The following NELL1 variants were observed in gnomAD, a reference collection of about 807,000 sequenced individuals.
NELL1 encodes the protein protein kinase C-binding protein NELL1.
Under a neutral mutation model 107.4 loss-of-function variants are expected in NELL1, and 76 were observed. That is an observed-to-expected ratio of 0.71 (90% CI 0.59 to 0.86). The LOEUF is 0.86. Among genes scored for constraint, NELL1 ranks in the 40% least tolerant of loss-of-function variants. The pLI is 0.00. For missense variants in NELL1, 1,024 were observed against 1,005.5 expected (o/e 1.02, Z -0.25); for synonymous variants, 353 against 341.2 (o/e 1.03, Z -0.38).
chr11:21,279,921 A>T (rs182713568), intron 14 of NELL1, among the ~76,000 whole-genome samples: 122 of 152,336 alleles, frequency 8.0e-4, no homozygotes, highest in African/African-American at 2.7e-3. Context: ...AAAGAAACGG[A>T]GGAAACGTAA....
chr11:21,033,904 G>A (rs983892214), intron 12 of NELL1, among the ~76,000 whole-genome samples: 1 of 152,052 alleles, frequency 6.6e-6, no homozygotes, highest in Non-Finnish European at 1.5e-5. Context: ...AGCATCTGTT[G>A]TTTTTTGGAC....
At chr11:20,820,415 G>A (rs563566735) in intron 3 of NELL1, among the ~76,000 whole-genome samples, 3 of 152,298 alleles carry the variant, frequency 2.0e-5, no homozygotes, top group Non-Finnish European at 4.4e-5. Flanking sequence ...GTACCCTTGT[G>A]AGAGGCAGGT....
chr11:21,308,575 G>C (rs1400016760), intron 14 of NELL1, among the ~76,000 whole-genome samples: 3 of 151,976 alleles, frequency 2.0e-5, no homozygotes, highest in Non-Finnish European at 4.4e-5. Context: ...CAAGATTACT[G>C]TCTGTTCTAG....
intron 14 of NELL1, among the ~76,000 whole-genome samples, chr11:21,331,800 G>T (rs1247800863): frequency 6.6e-6 from 1 of 152,008 alleles, no homozygotes; most frequent in Non-Finnish European, 1.5e-5. Flanking sequence ...CTGACTTGTG[G>T]TTTAGTTTAT....
chr11:20,932,958 G>C (rs565070272), intron 9 of NELL1, among the ~76,000 whole-genome samples: 2 of 152,222 alleles, frequency 1.3e-5, no homozygotes, highest in South Asian at 2.1e-4. Context: ...AGCTGAGCGG[G>C]GTATTGACAA....
At chr11:21,215,646 G>A (rs947377769) in intron 13 of NELL1, among the ~76,000 whole-genome samples, 1 of 152,184 alleles carries the variant, frequency 6.6e-6, no homozygotes, top group Non-Finnish European at 1.5e-5. Context: ...GAACTGGTTG[G>A]CAGCTGGAGT....
At chr11:21,287,215 A>G (rs1349037566) in intron 14 of NELL1, among the ~76,000 whole-genome samples, 1 of 152,064 alleles carries the variant, frequency 6.6e-6, no homozygotes, top group Non-Finnish European at 1.5e-5. Flanking sequence ...TTATTTCTTG[A>G]ATCTGGCAAC....
At chr11:21,399,697 G>A (rs1852056104) in intron 15 of NELL1, among the ~76,000 whole-genome samples, 1 of 151,734 alleles carries the variant, frequency 6.6e-6, no homozygotes, top group Admixed American at 6.6e-5. Flanking sequence ...AGTTTATATG[G>A]GTGGAATACG....
rs141905605 is a variant in NELL1 at position 21,226,762 on chromosome 11, T to G, written c.1427-2570T>G. On this transcript the variant is annotated intron_variant, in intron 13 of 19. Coordinates refer to ENST00000357134, the MANE Select transcript of NELL1 (RefSeq NM_006157.5). ...AAAGAGGTAAAGATATTAAATTTTATAAAAGTTCTAAGATAGATGAAATTC... is the reference window on the plus strand; with the variant it reads ...AAAGAGGTAAAGATATTAAATTTTAGAAAAGTTCTAAGATAGATGAAATTC... 5.9e-3 allele frequency among the ~76,000 whole-genome samples: 905 copies of G among 152,294 alleles called. 6 individuals are homozygous for G. Among genetic ancestry groups the G allele is most frequent in the Admixed American group, 0.014 (218 of 15,302 alleles).
intron 2 of NELL1, among the ~76,000 whole-genome samples, chr11:20,753,636 C>G (rs1856194917): frequency 1.3e-5 from 2 of 152,182 alleles, no homozygotes; most frequent in Non-Finnish European, 2.9e-5. Flanking sequence ...TTCAAAATGG[C>G]TTAAGTAAAA....
chr11:21,112,235 A>T (rs929758015), intron 12 of NELL1, among the ~76,000 whole-genome samples: 1 of 151,962 alleles, frequency 6.6e-6, no homozygotes, highest in African/African-American at 2.4e-5. Context: ...CCTCGCAATA[A>T]CTTTTATTTA....
chr11:21,276,658 C>A (rs1028973008), intron 14 of NELL1, among the ~76,000 whole-genome samples: 48 of 152,152 alleles, frequency 3.2e-4, no homozygotes, highest in Non-Finnish European at 5.9e-5. Context: ...TACTACAAGG[C>A]TACAGTAACC....
chr11:21,070,430 G>C (rs764746718), intron 12 of NELL1, among the ~76,000 whole-genome samples: 2 of 152,118 alleles, frequency 1.3e-5, no homozygotes, highest in African/African-American at 2.4e-5. Context: ...TGGCTTCTCA[G>C]AGACTAAAGT....
intron 19 of NELL1, among the ~76,000 whole-genome samples, chr11:21,573,748 G>A (rs974849173): frequency 6.6e-6 from 1 of 151,642 alleles, no homozygotes; most frequent in South Asian, 2.1e-4. Flanking sequence ...AACAAGGAAG[G>A]GAAGTAGAAA....
intron 15 of NELL1, 70 bp downstream of exon 15, chr11:21,371,018 G>C (rs753514498): frequency 2.0e-5 from 23 of 1,144,686 alleles, no homozygotes; most frequent in Non-Finnish European, 2.9e-5. Context: ...AAGAATAACA[G>C]CTCTTTCTTT....
intron 13 of NELL1, among the ~76,000 whole-genome samples, chr11:21,117,548 C>G (rs956166684): frequency 1.3e-5 from 2 of 151,972 alleles, no homozygotes; most frequent in African/African-American, 2.4e-5. Context: ...TGAACGTCAA[C>G]TAATATATGT....
At chr11:20,690,983 T>G (rs2133866151) in intron 2 of NELL1, among the ~76,000 whole-genome samples, 1 of 152,230 alleles carries the variant, frequency 6.6e-6, no homozygotes, top group Non-Finnish European at 1.5e-5. Flanking sequence ...TAGTTCTCCT[T>G]GAAGAGGTCC....
intron 13 of NELL1, among the ~76,000 whole-genome samples, chr11:21,153,896 C>G (rs1856174455): frequency 6.6e-6 from 1 of 152,256 alleles, no homozygotes; most frequent in South Asian, 2.1e-4. Context: ...TGTTCTTACC[C>G]ATGAGGAATC....
In NELL1 at chr11:21,370,952, A is replaced by G; in HGVS notation, c.1645+4A>G. The G allele has an allele frequency of 6.2e-7, 1 of 1,606,942 alleles. No homozygotes were observed. Among genetic ancestry groups the G allele is most frequent in the Non-Finnish European group, 8.5e-7 (1 of 1,175,672 alleles). Reference sequence around the variant, plus strand: ...ACAGGAAGCCACTGCGAGAAAGGTAATCTAGCTTGTTTTATGGGGGATAGG... The same window carrying G: ...ACAGGAAGCCACTGCGAGAAAGGTAGTCTAGCTTGTTTTATGGGGGATAGG... On this transcript the variant is annotated splice_donor_region_variant and intron_variant, in intron 15 of 19. Coordinates refer to ENST00000357134, the MANE Select transcript of NELL1 (RefSeq NM_006157.5).
Sources: allele counts gnomAD v4.1 joint callset (sites outside exome capture counted in the v4.1 genomes callset), GRCh38; gene constraint gnomAD v4.1.1; transcripts MANE v1.5; gene names NCBI Gene and HGNC (gene_info 2026-07-23, HGNC 2026-07-21).